TSNARE1: variants seen among roughly 807,000 people sequenced by gnomAD.
The protein encoded by TSNARE1 is t-SNARE domain containing 1.
In TSNARE1, 49 loss-of-function variants were observed where a neutral mutation model predicts 62.0. That is an observed-to-expected ratio of 0.79 (90% CI 0.63 to 1.00). The LOEUF (loss-of-function observed/expected upper bound fraction) is 1.00, where lower values mean the gene tolerates loss of function less well. Among genes scored for constraint, TSNARE1 ranks in the 50% least tolerant of loss-of-function variants. The pLI, the probability that TSNARE1 is intolerant of heterozygous loss-of-function variation, is 0.00. For synonymous variants in TSNARE1, 328 were observed against 294.4 expected, an observed-to-expected ratio of 1.11 and a Z score of -1.17; for missense variants, 755 against 700.1, an observed-to-expected ratio of 1.08 and a Z score of -0.88.
Position 142,400,750 on chromosome 8 carries a change from T to G in TSNARE1, c.-40+2354A>C, listed in dbSNP as rs1187963700. Among the ~76,000 whole-genome samples the G allele has an allele frequency of 2.0e-5, 3 of 152,072 alleles. No homozygotes were observed. In the East Asian group the frequency reaches 5.8e-4, roughly 29 times the overall value. ...CAGAGGGATAAAACGCCCAACAACCTCGGAAGAAATGTGTCTGTCTGGGCT... is the reference window on the plus strand; with the variant it reads ...CAGAGGGATAAAACGCCCAACAACCGCGGAAGAAATGTGTCTGTCTGGGCT... On this transcript the variant is annotated intron_variant, in intron 1 of 13. Coordinates refer to ENST00000524325, the MANE Select transcript of TSNARE1 (RefSeq NM_145003.5).
intron 1 of TSNARE1, among the ~76,000 whole-genome samples, chr8:142,356,475 G>A (rs940939494): frequency 2.6e-5 from 4 of 152,222 alleles, no homozygotes; most frequent in Non-Finnish European, 4.4e-5. Flanking sequence ...GGAGCCCCGA[G>A]TGAGAGGCAG....
intron 11 of TSNARE1, 78 bp downstream of exon 11, chr8:142,284,335 G>C (rs1243594074): frequency 8.3e-7 from 1 of 1,210,394 alleles, no homozygotes; most frequent in Non-Finnish European, 1.2e-6. Context: ...CCCACCCTTA[G>C]GTGAAGGGGT....
chr8:142,272,289 C>G (rs554647673), intron 12 of TSNARE1, among the ~76,000 whole-genome samples: 13 of 150,376 alleles, frequency 8.6e-5, no homozygotes, highest in African/African-American at 3.2e-4. Flanking sequence ...CCTAGCCACC[C>G]GCCCATCTAC....
chr8:142,251,353 A>T (rs1818154694), intron 12 of TSNARE1, among the ~76,000 whole-genome samples: 1 of 128,422 alleles, frequency 7.8e-6, no homozygotes, highest in African/African-American at 2.9e-5. Flanking sequence ...AAAAGCCACA[A>T]TCAAGAAAAG....
intron 6 of TSNARE1, chr8:142,325,986 T>C (rs1368275750): frequency 9.5e-4 from 69 of 72,688 alleles, no homozygotes; most frequent in Middle Eastern, 2.9e-3. Context: ...CCGGAGGGCA[T>C]GAGACAGATG....
At chr8:142,247,013 C>T (rs1465265878) in intron 12 of TSNARE1, among the ~76,000 whole-genome samples, 2 of 152,214 alleles carry the variant, frequency 1.3e-5, no homozygotes, top group Admixed American at 6.5e-5. Flanking sequence ...CCAGGTGCTG[C>T]GACCAGCTAT....
intron 13 of TSNARE1, among the ~76,000 whole-genome samples, chr8:142,213,509 A>G (rs1026646920): frequency 1.3e-5 from 2 of 152,076 alleles, no homozygotes; most frequent in Non-Finnish European, 2.9e-5. Context: ...GAAAACCCCT[A>G]TAAAAGTCCA....
At chr8:142,331,690 A>G (rs1266614148) in intron 5 of TSNARE1, 64 bp downstream of exon 5, 12 of 1,484,392 alleles carry the variant, frequency 8.1e-6, no homozygotes, top group African/African-American at 1.4e-5. Flanking sequence ...CTCGCCTCCA[A>G]TGTCGCATCA....
chr8:142,273,845 G>C, intron 12 of TSNARE1: 1 of 985,336 alleles, frequency 1.0e-6, no homozygotes, highest in Non-Finnish European at 1.2e-6. Flanking sequence ...AGGACCCTCT[G>C]CGGGCACAGC....
At chr8:142,332,586 A>G (rs1483358751) in intron 4 of TSNARE1, among the ~76,000 whole-genome samples, 1 of 152,180 alleles carries the variant, frequency 6.6e-6, no homozygotes, top group Non-Finnish European at 1.5e-5. Context: ...TTAAAAATCT[A>G]CAGAACACTA....
At chr8:142,341,409 A>G (rs1267850531) in intron 4 of TSNARE1, among the ~76,000 whole-genome samples, 1 of 152,226 alleles carries the variant, frequency 6.6e-6, no homozygotes, top group East Asian at 1.9e-4. Flanking sequence ...AGTAAAGCGC[A>G]GGCAGTGGTG....
intron 10 of TSNARE1, among the ~76,000 whole-genome samples, chr8:142,298,503 G>A (rs936528198): frequency 2.6e-5 from 4 of 152,124 alleles, no homozygotes; most frequent in African/African-American, 9.7e-5. Context: ...GTGCCACGCC[G>A]GAACCCCGAG....
At chr8:142,326,968 A>G (rs1830365961) in intron 6 of TSNARE1, among the ~76,000 whole-genome samples, 1 of 152,110 alleles carries the variant, frequency 6.6e-6, no homozygotes, top group African/African-American at 2.4e-5. Context: ...ATATAACAAC[A>G]AGTGCTGGCA....
chr8:142,220,235 C>T (rs930945220), intron 13 of TSNARE1, among the ~76,000 whole-genome samples: 11 of 152,130 alleles, frequency 7.2e-5, no homozygotes, highest in East Asian at 1.9e-4. Flanking sequence ...CAAGGTAGCA[C>T]GCATGTCCCA....
intron 1 of TSNARE1, among the ~76,000 whole-genome samples, chr8:142,359,324 C>T (rs1834983353): frequency 6.6e-6 from 1 of 152,162 alleles, no homozygotes; most frequent in Non-Finnish European, 1.5e-5. Flanking sequence ...GGCTGCACGC[C>T]CGCTGGAGCC....
rs1835443775 is a variant in TSNARE1, at chr8:142,365,206, C to A, written c.-39-10443G>T. Among the ~76,000 whole-genome samples, 3 of 152,134 alleles carry A rather than the reference C, an allele frequency of 2.0e-5. No homozygotes were observed. In the South Asian group the frequency reaches 6.2e-4, roughly 32 times the overall value. ...AACACCACTTCCATGATCTCCCTGC[C>A]CAAAGTGTGTGACTGTGAGAAACAG... On this transcript the variant is annotated intron_variant, in intron 1 of 13. Transcript: ENST00000524325.
At chr8:142,337,892 T>G (rs1475227932) in intron 4 of TSNARE1, among the ~76,000 whole-genome samples, 1 of 152,214 alleles carries the variant, frequency 6.6e-6, no homozygotes, top group Non-Finnish European at 1.5e-5. Context: ...GCCACCCAGC[T>G]GAAGACCCTG....
At chr8:142,279,930 C>T (rs1821133132) in intron 11 of TSNARE1, 3 of 1,069,266 alleles carry the variant, frequency 2.8e-6, no homozygotes, top group East Asian at 1.1e-4. Flanking sequence ...CCACCATGCG[C>T]TCCACAGGTG....
At chr8:142,328,597 C>T (rs948974104) in intron 6 of TSNARE1, among the ~76,000 whole-genome samples, 2 of 152,212 alleles carry the variant, frequency 1.3e-5, no homozygotes, top group Non-Finnish European at 2.9e-5. Context: ...ATTATTTGAG[C>T]GCTAGTTCTT....
Sources: allele counts gnomAD v4.1 joint callset (sites outside exome capture counted in the v4.1 genomes callset), GRCh38; gene constraint gnomAD v4.1.1; transcripts MANE v1.5; gene names NCBI Gene and HGNC (gene_info 2026-07-23, HGNC 2026-07-21).